The following FKBP5 variants were observed in gnomAD, a reference collection of about 807,000 sequenced individuals.
The protein encoded by FKBP5 is peptidyl-prolyl cis-trans isomerase FKBP5.
Under a neutral mutation model 50.5 loss-of-function variants are expected in FKBP5, and 23 were observed. The ratio of observed to expected loss-of-function variants is 0.46; its 90% CI spans 0.33 to 0.65. The LOEUF (loss-of-function observed/expected upper bound fraction) is 0.65. Ranked by LOEUF, FKBP5 falls within the 30% of genes least tolerant of loss-of-function variation. The probability of loss-of-function intolerance (pLI) is 0.02; values close to 1 mark genes in which losing one functional copy is unlikely to be tolerated. For synonymous variants in FKBP5, 176 were observed against 190.6 expected, an observed-to-expected ratio of 0.92 and a Z score of 0.63; for missense variants, 411 against 553.1, an observed-to-expected ratio of 0.74 and a Z score of 2.58.
chr6:35,623,115 G>A (rs1269957069), intron 3 of FKBP5, among the ~76,000 whole-genome samples: 8 of 152,138 alleles, frequency 5.3e-5, no homozygotes, highest in African/African-American at 1.2e-4. Flanking sequence ...GGTGGCTAGC[G>A]CCTGTAGTCC....
At chr6:35,721,786 T>C (rs1460033310) in intron 1 of FKBP5, among the ~76,000 whole-genome samples, 2 of 152,252 alleles carry the variant, frequency 1.3e-5, no homozygotes, top group African/African-American at 4.8e-5. Flanking sequence ...AAATGCGTAC[T>C]CCCAGTTGTG....
intron 5 of FKBP5, among the ~76,000 whole-genome samples, chr6:35,606,659 C>CAAAAAAAA (rs61139697): frequency 5.6e-4 from 14 of 25,122 alleles, no homozygotes; most frequent in African/African-American, 9.3e-4. Flanking sequence ...GACTCCGTCT[C>CAAAAAAAA]AAAAAAAAAA....
At chr6:35,629,392 G>A (rs1197811303) in intron 3 of FKBP5, among the ~76,000 whole-genome samples, 2 of 152,076 alleles carry the variant, frequency 1.3e-5, no homozygotes, top group Non-Finnish European at 2.9e-5. Context: ...AGTAATTTAT[G>A]TTTAAGACTC....
chr6:35,621,932 T>C (rs1763858006), intron 3 of FKBP5, among the ~76,000 whole-genome samples: 1 of 152,108 alleles, frequency 6.6e-6, no homozygotes, highest in South Asian at 2.1e-4. Context: ...TGAGCTGAGA[T>C]CATGCCACTG....
chr6:35,718,266 G>C (rs555835993), intron 2 of FKBP5, among the ~76,000 whole-genome samples: 1 of 152,224 alleles, frequency 6.6e-6, no homozygotes, highest in Admixed American at 6.5e-5. Flanking sequence ...GGGTGTGCTC[G>C]CGAGAGCCAG....
intron 1 of FKBP5, among the ~76,000 whole-genome samples, chr6:35,688,250 G>C (rs1021135698): frequency 2.6e-5 from 4 of 152,196 alleles, no homozygotes; most frequent in Admixed American, 2.6e-4. Context: ...GCCCCGCCAG[G>C]TGGGCGAATC....
At chr6:35,693,097 AAT>A (rs1766020155), upstream of FKBP5, among the ~76,000 whole-genome samples, 1 of 149,160 alleles carries the variant, frequency 6.7e-6, no homozygotes, top group Non-Finnish European at 1.5e-5. Context: ...AAAAAAAAAA[AAT>A]CTCATCTTAA....
At chr6:35,635,487 T>C (rs1764284328) in intron 3 of FKBP5, among the ~76,000 whole-genome samples, 1 of 152,008 alleles carries the variant, frequency 6.6e-6, no homozygotes, top group Admixed American at 6.6e-5. Context: ...TTAGTAAAAA[T>C]CATACTTAAT....
At chr6:35,600,543 T>TA (rs35341260) in intron 5 of FKBP5, among the ~76,000 whole-genome samples, 104,443 of 148,756 alleles carry the variant, frequency 0.7, 36,296 homozygotes, top group East Asian at 0.74. Context: ...ACACTTTTCA[T>TA]AAAAAAAAAA....
rs571999465 is a variant in FKBP5, at chr6:35,718,159, G to A, written c.-20+2169C>T. ...GCGGCATTTGAATTAGGCCATAAAC[G>A]ATTAGGAGAATGTCAGAGGAAGGAA... is the stretch of plus-strand genomic sequence containing the variant. On this transcript the variant is annotated intron_variant, in intron 2 of 11. Transcript: ENST00000536438. Among the ~76,000 whole-genome samples, 8 of 152,210 alleles carry A rather than the reference G, an allele frequency of 5.3e-5. 1 individual carries two copies. In the South Asian group the frequency reaches 1.4e-3, roughly 28 times the overall value.
At chr6:35,595,997 A>G (rs2150963573) in intron 6 of FKBP5, among the ~76,000 whole-genome samples, 1 of 152,262 alleles carries the variant, frequency 6.6e-6, no homozygotes, top group East Asian at 1.9e-4. Flanking sequence ...GGCTATGAAG[A>G]GTTCAAGGTA....
intron 2 of FKBP5, among the ~76,000 whole-genome samples, chr6:35,706,546 T>C (rs1205374003): frequency 6.6e-6 from 1 of 152,212 alleles, no homozygotes; most frequent in East Asian, 1.9e-4. Context: ...TTGTATCTAC[T>C]TGATTTAAAA....
intron 5 of FKBP5, among the ~76,000 whole-genome samples, chr6:35,617,110 C>T (rs569186038): frequency 6.6e-6 from 1 of 151,966 alleles, no homozygotes; most frequent in African/African-American, 2.4e-5. Flanking sequence ...GAGCTATTTC[C>T]CTGGTATTCT....
At chr6:35,702,942 A>G (rs1766217309) in intron 2 of FKBP5, among the ~76,000 whole-genome samples, 1 of 152,168 alleles carries the variant, frequency 6.6e-6, no homozygotes, top group African/African-American at 2.4e-5. Flanking sequence ...TTTATCAAAA[A>G]AAAGGTTTTT....
chr6:35,674,491 T>A (rs1034066806), intron 1 of FKBP5, among the ~76,000 whole-genome samples: 3 of 152,198 alleles, frequency 2.0e-5, no homozygotes, highest in Non-Finnish European at 4.4e-5. Context: ...TCCAACAAGC[T>A]ATCCCTCTAA....
chr6:35,696,052 G>T (rs1766074920), intron 2 of FKBP5, among the ~76,000 whole-genome samples: 1 of 151,166 alleles, frequency 6.6e-6, no homozygotes. Flanking sequence ...GGCTGAGGCA[G>T]GAGAATGGAG....
chr6:35,714,267 C>A (rs1309916173), intron 2 of FKBP5, among the ~76,000 whole-genome samples: 1 of 143,034 alleles, frequency 7.0e-6, no homozygotes, highest in Non-Finnish European at 1.5e-5. Flanking sequence ...GCCTGGCCAA[C>A]ATGGTGAAAC....
At chr6:35,632,763 C>T (rs1043179797) in intron 3 of FKBP5, among the ~76,000 whole-genome samples, 1 of 151,912 alleles carries the variant, frequency 6.6e-6, no homozygotes, top group Non-Finnish European at 1.5e-5. Context: ...GTGGCGCATG[C>T]CTGTAATCCC....
At chr6:35,637,284 T>G (rs552323492) in intron 2 of FKBP5, 126 bp from the exon 3 acceptor site, 4 of 763,618 alleles carry the variant, frequency 5.2e-6, no homozygotes, top group Non-Finnish European at 8.4e-6. Context: ...ATCCATTCTT[T>G]CTAATGCCTC....
Sources: gnomAD v4.1 joint callset for allele counts (sites outside exome capture counted in the v4.1 genomes callset) on GRCh38, gnomAD v4.1.1 for gene constraint, MANE v1.5 for transcripts, NCBI Gene and HGNC (gene_info 2026-07-23, HGNC 2026-07-21) for gene names.